The following PTBP3 variants were observed in gnomAD, a reference collection of about 807,000 sequenced individuals.
The protein encoded by PTBP3 is polypyrimidine tract-binding protein 3.
PTBP3 carries 20 observed loss-of-function variants against 58.7 expected under a neutral mutation model. The ratio of observed to expected loss-of-function variants is 0.34; its 90% CI spans 0.24 to 0.50. The LOEUF (loss-of-function observed/expected upper bound fraction) is 0.50. PTBP3 is among the 20% of genes least tolerant of loss of function. The pLI, the probability that PTBP3 is intolerant of heterozygous loss-of-function variation, is 0.98. For missense variants in PTBP3, 509 were observed against 637.2 expected, an observed-to-expected ratio of 0.80 and a Z score of 2.17; for synonymous variants, 185 against 219.8, an observed-to-expected ratio of 0.84 and a Z score of 1.40.
intron 7 of PTBP3, among the ~76,000 whole-genome samples, chr9:112,249,823 A>ATTTT (rs11438998): frequency 6.7e-6 from 1 of 148,588 alleles, no homozygotes; most frequent in African/African-American, 2.5e-5. Context: ...TTGCCCCAGT[A>ATTTT]TTTTTTTTTT....
chr9:112,308,501 A>T (rs1459080096), intron 1 of PTBP3, among the ~76,000 whole-genome samples: 4 of 152,154 alleles, frequency 2.6e-5, no homozygotes, highest in African/African-American at 9.7e-5. Flanking sequence ...TTATATCCTA[A>T]GTGTCTCAAA....
chr9:112,303,212 T>C (rs1030454521), intron 1 of PTBP3, among the ~76,000 whole-genome samples: 1 of 152,196 alleles, frequency 6.6e-6, no homozygotes, highest in Non-Finnish European at 1.5e-5. Context: ...TCAAGCACTA[T>C]CCCTTTGCTA....
chr9:112,314,361 G>T (rs1002214945), intron 1 of PTBP3, among the ~76,000 whole-genome samples: 2 of 152,216 alleles, frequency 1.3e-5, no homozygotes, highest in Non-Finnish European at 2.9e-5. Flanking sequence ...TCCTAAATGT[G>T]AATACATATA....
At chr9:112,287,269 A>G (rs1177915269) in intron 2 of PTBP3, among the ~76,000 whole-genome samples, 1 of 149,364 alleles carries the variant, frequency 6.7e-6, no homozygotes, top group East Asian at 2.0e-4. Context: ...TCAGTTATAC[A>G]TATGTGTGTT....
At chr9:112,363,600 A>C in the PTBP3 span, among the ~76,000 whole-genome samples, 2 of 151,412 alleles carry the variant, frequency 1.3e-5, no homozygotes, top group Non-Finnish European at 2.9e-5. Context: ...ATGCTTGCTG[A>C]AAATCAATAG....
At chr9:112,285,959 T>C (rs1828096800) in intron 2 of PTBP3, among the ~76,000 whole-genome samples, 1 of 152,238 alleles carries the variant, frequency 6.6e-6, no homozygotes, top group Admixed American at 6.5e-5. Flanking sequence ...TTCTATTAGT[T>C]TTCACTTTAC....
At chr9:112,373,613 A>G in the PTBP3 span, among the ~76,000 whole-genome samples, 5 of 152,280 alleles carry the variant, frequency 3.3e-5, no homozygotes, top group East Asian at 9.6e-4. Context: ...ACCCATACAC[A>G]TCTCCTGAGA....
intron 1 of PTBP3, among the ~76,000 whole-genome samples, chr9:112,325,354 C>T (rs549612324): frequency 6.6e-6 from 1 of 152,188 alleles, no homozygotes; most frequent in East Asian, 1.9e-4. Context: ...GTGGAGCCAC[C>T]AGGAATTCAC....
At position 112,221,256 on chromosome 9, in the gene PTBP3, T is replaced by C; in HGVS notation, c.*2595A>G. On this transcript the variant is annotated 3_prime_UTR_variant, in exon 14 of 14. Transcript: ENST00000374257. ...CTTTAGAAGAGTGTATTTATGTATA[T>C]ACACTTATCTACACACACACACATT... 1 of 984,964 alleles carries C rather than the reference T, an allele frequency of 1.0e-6. No homozygotes were observed. Among genetic ancestry groups the C allele is most frequent in the Non-Finnish European group, 1.2e-6 (1 of 829,252 alleles). The allele number at this position is 984,964 out of a possible 1,614,324, so 61.0% of individuals were successfully genotyped here.
In PTBP3 at chr9:112,317,470, G is replaced by T. The variant is rs552986978; in HGVS notation, c.-52+16000C>A. On this transcript the variant is annotated intron_variant, in intron 1 of 13. Coordinates refer to ENST00000374257, the MANE Select transcript of PTBP3 (RefSeq NM_001163788.4). ...GTAAATAGAAAGAAGGAAATAAAGA[G>T]TAAAACTGATGAAATTCAAGAGTCA... 9.9e-5 allele frequency among the ~76,000 whole-genome samples: 15 copies of T among 151,698 alleles called. No individual in the cohort carries two copies. The South Asian group carries it at 3.1e-3, about 32-fold the overall frequency.
At position 112,309,285 on chromosome 9, in the gene PTBP3, G is replaced by T. The variant is rs114521796; in HGVS notation, c.-51-11369C>A. Reference sequence around the variant, plus strand: ...AACAGATAGTCTAGTGACCCCGTGTGAACACTTCCCAGGACAGAAAACTCA... The same window carrying T: ...AACAGATAGTCTAGTGACCCCGTGTTAACACTTCCCAGGACAGAAAACTCA... On this transcript the variant is annotated intron_variant, in intron 1 of 13. Transcript: ENST00000374257. 8.6e-3 allele frequency among the ~76,000 whole-genome samples: 1,313 copies of T among 151,968 alleles called. 23 individuals carry two copies. Among genetic ancestry groups the T allele is most frequent in the African/African-American group, 0.03 (1,252 of 41,434 alleles).
the PTBP3 span, among the ~76,000 whole-genome samples, chr9:112,350,956 G>A: frequency 3.0e-4 from 45 of 151,898 alleles, no homozygotes; most frequent in African/African-American, 9.7e-4. Flanking sequence ...CCGCCACCAC[G>A]CCCAGCTAAT....
At chr9:112,229,907 G>C (rs1835135583) in intron 10 of PTBP3, among the ~76,000 whole-genome samples, 1 of 152,102 alleles carries the variant, frequency 6.6e-6, no homozygotes, top group Non-Finnish European at 1.5e-5. Context: ...TATGAAACAT[G>C]CTTTGGCTAG....
At chr9:112,288,107 T>C (rs1446373258) in intron 2 of PTBP3, among the ~76,000 whole-genome samples, 1 of 152,230 alleles carries the variant, frequency 6.6e-6, no homozygotes, top group African/African-American at 2.4e-5. Flanking sequence ...TGGAGTTTGT[T>C]TTTAAGTTTC....
intron 10 of PTBP3, among the ~76,000 whole-genome samples, chr9:112,229,484 G>C (rs1424868282): frequency 6.6e-6 from 1 of 151,050 alleles, no homozygotes; most frequent in Non-Finnish European, 1.5e-5. Flanking sequence ...AAAATTGCTT[G>C]AACCTGGGAG....
chr9:112,369,097 A>G, the PTBP3 span, among the ~76,000 whole-genome samples: 2 of 152,252 alleles, frequency 1.3e-5, no homozygotes, highest in Non-Finnish European at 2.9e-5. Flanking sequence ...AAACACCTGG[A>G]TGTCCAAGCA....
chr9:112,344,640 T>C, the PTBP3 span, among the ~76,000 whole-genome samples: 1 of 152,138 alleles, frequency 6.6e-6, no homozygotes, highest in Non-Finnish European at 1.5e-5. Context: ...ATATGAATAT[T>C]GGAAAGGAAA....
At chr9:112,321,243 G>C (rs1829933905) in intron 1 of PTBP3, among the ~76,000 whole-genome samples, 1 of 152,040 alleles carries the variant, frequency 6.6e-6, no homozygotes, top group Non-Finnish European at 1.5e-5. Context: ...TTTACAAAAA[G>C]AAAACTGGCC....
At chr9:112,333,101 A>T (rs116582758) in intron 1 of PTBP3, 16,561 of 1,256,942 alleles carry the variant, frequency 0.013, 450 homozygotes, top group African/African-American at 0.11. Context: ...AGCGCCGCGC[A>T]CCATTTTCTG....
Sources: allele counts gnomAD v4.1 joint callset (sites outside exome capture counted in the v4.1 genomes callset), GRCh38; gene constraint gnomAD v4.1.1; transcripts MANE v1.5; gene names NCBI Gene and HGNC (gene_info 2026-07-23, HGNC 2026-07-21).